Variants in SLC24A3 observed in about 807,000 individuals in gnomAD.
SLC24A3 encodes the protein sodium/potassium/calcium exchanger 3.
In SLC24A3, 28 loss-of-function variants were observed where a neutral mutation model predicts 75.8. The observed-to-expected ratio is 0.37, with a 90% CI of 0.27 to 0.51. SLC24A3 has a LOEUF of 0.51. SLC24A3 is among the 20% of genes least tolerant of loss of function. SLC24A3 has a pLI of 0.94. For synonymous variants in SLC24A3, 372 were observed against 334.1 expected, an observed-to-expected ratio of 1.11 and a Z score of -1.24; for missense variants, 663 against 847.8, an observed-to-expected ratio of 0.78 and a Z score of 2.71.
At position 19,252,011 on chromosome 20, in the gene SLC24A3, C is replaced by T. The variant is rs193115676; in HGVS notation, c.143-28948C>T. Among the ~76,000 whole-genome samples, 5 of 152,162 alleles carry T rather than the reference C, an allele frequency of 3.3e-5. No homozygotes were observed. In the East Asian group the frequency reaches 7.7e-4, roughly 24 times the overall value. On this transcript the variant is annotated intron_variant, in intron 1 of 16. Transcript: ENST00000328041. ...AACGCCACCTAATGGGATGTATAGA[C>T]CACAGATGGCCTTTCTTTGTGGCCA...
chr20:19,379,691 C>A lies in SLC24A3; in HGVS notation c.271+98604C>A, dbSNP rs367941649. Among the ~76,000 whole-genome samples the A allele has an allele frequency of 6.6e-5, 10 of 152,226 alleles. No individual in the cohort carries two copies. In the South Asian group the frequency reaches 8.3e-4, roughly 13 times the overall value. ...ATAATAGTATAAAAAATGATTAAAT[C>A]TCTATACAAGCCTCCCCTCCTCCCT... On this transcript the variant is annotated intron_variant, in intron 2 of 16. Transcript: ENST00000328041.
intron 2 of SLC24A3, among the ~76,000 whole-genome samples, chr20:19,404,876 A>C (rs1191081051): frequency 6.6e-6 from 1 of 152,134 alleles, no homozygotes; most frequent in Admixed American, 6.5e-5. Flanking sequence ...ATGGTCTTGC[A>C]TTCCTGGTTT....
intron 3 of SLC24A3, among the ~76,000 whole-genome samples, chr20:19,557,836 G>A (rs1660892744): frequency 6.6e-6 from 1 of 152,016 alleles, no homozygotes; most frequent in Admixed American, 6.6e-5. Flanking sequence ...TTTCTCAAAG[G>A]CAAGTTTCTG....
intron 7 of SLC24A3, among the ~76,000 whole-genome samples, chr20:19,657,262 G>A (rs2032276708): frequency 6.6e-6 from 1 of 152,186 alleles, no homozygotes; most frequent in South Asian, 2.1e-4. Context: ...TTAGGTCTTG[G>A]TTCTTTTTAC....
chr20:19,387,066 G>A (rs1986284550), intron 2 of SLC24A3, among the ~76,000 whole-genome samples: 1 of 152,008 alleles, frequency 6.6e-6, no homozygotes. Context: ...TCATAATTTA[G>A]TGTTGTTAGA....
At chr20:19,412,393 TGAA>T (rs1480681761) in intron 2 of SLC24A3, among the ~76,000 whole-genome samples, 8 of 150,242 alleles carry the variant, frequency 5.3e-5, no homozygotes, top group African/African-American at 2.0e-4. Context: ...AATGCCAAAT[TGAA>T]GAAGAAAAGA....
chr20:19,686,854 G>C (rs898860801), intron 12 of SLC24A3, among the ~76,000 whole-genome samples: 6 of 152,218 alleles, frequency 3.9e-5, no homozygotes, highest in Middle Eastern at 3.4e-3. Context: ...ATCATTACTT[G>C]TTAGTACATT....
intron 2 of SLC24A3, among the ~76,000 whole-genome samples, chr20:19,504,165 C>T (rs1600256687): frequency 6.6e-6 from 1 of 152,250 alleles, no homozygotes; most frequent in Non-Finnish European, 1.5e-5. Flanking sequence ...ATTTTCTATC[C>T]TTAAAATTGG....
At chr20:19,393,578 G>T (rs560114176) in intron 2 of SLC24A3, among the ~76,000 whole-genome samples, 1 of 152,096 alleles carries the variant, frequency 6.6e-6, no homozygotes, top group East Asian at 1.9e-4. Flanking sequence ...AGCTGAAAAT[G>T]AAACCAAGAA....
chr20:19,576,069 A>G (rs1421545339), intron 3 of SLC24A3, among the ~76,000 whole-genome samples: 2 of 152,078 alleles, frequency 1.3e-5, no homozygotes, highest in African/African-American at 4.8e-5. Flanking sequence ...CACCCTCTGC[A>G]TTGTCTGGGA....
At chr20:19,592,616 C>T (rs1022628369) in intron 6 of SLC24A3, among the ~76,000 whole-genome samples, 1 of 152,070 alleles carries the variant, frequency 6.6e-6, no homozygotes. Context: ...AAGCAGGAAC[C>T]TCTCGTGGCC....
chr20:19,278,710 G>A (rs78616114), intron 1 of SLC24A3, among the ~76,000 whole-genome samples: 3,415 of 152,238 alleles, frequency 0.022, 143 homozygotes, highest in African/African-American at 0.077. Context: ...GTAGAATTTT[G>A]TATTTCAAGA....
chr20:19,485,929 C>T (rs1313801736), intron 2 of SLC24A3, among the ~76,000 whole-genome samples: 5 of 152,208 alleles, frequency 3.3e-5, no homozygotes, highest in Non-Finnish European at 7.3e-5. Flanking sequence ...CTGGGGTTAG[C>T]CCAGGTGGTC....
At chr20:19,317,892 G>A (rs1984620608) in intron 2 of SLC24A3, among the ~76,000 whole-genome samples, 1 of 152,228 alleles carries the variant, frequency 6.6e-6, no homozygotes, top group Non-Finnish European at 1.5e-5. Context: ...AGACACCACT[G>A]TGCCTGCCCA....
chr20:19,517,519 G>A (rs2122560323), intron 3 of SLC24A3, among the ~76,000 whole-genome samples: 1 of 152,274 alleles, frequency 6.6e-6, no homozygotes, highest in South Asian at 2.1e-4. Context: ...GGACACAAAT[G>A]CATACTATCC....
chr20:19,381,688 T>G (rs1986184582), intron 2 of SLC24A3, among the ~76,000 whole-genome samples: 1 of 152,244 alleles, frequency 6.6e-6, no homozygotes, highest in Non-Finnish European at 1.5e-5. Context: ...TCTTTATTTC[T>G]TAAGGCTCTT....
intron 2 of SLC24A3, among the ~76,000 whole-genome samples, chr20:19,497,538 C>T (rs754771923): frequency 5.5e-5 from 8 of 144,412 alleles, no homozygotes; most frequent in Non-Finnish European, 1.0e-4. Flanking sequence ...TTGGTGCAGT[C>T]ATTTCTTTGG....
chr20:19,427,647 C>T (rs1404467644), intron 2 of SLC24A3, among the ~76,000 whole-genome samples: 1 of 152,176 alleles, frequency 6.6e-6, no homozygotes, highest in African/African-American at 2.4e-5. Flanking sequence ...ACTGCCGTGC[C>T]TCTGCCTATT....
intron 3 of SLC24A3, among the ~76,000 whole-genome samples, chr20:19,526,560 C>T (rs1003357266): frequency 4.6e-5 from 7 of 152,228 alleles, no homozygotes; most frequent in East Asian, 3.9e-4. Flanking sequence ...TATTCTCTTC[C>T]GATCAAAATT....
Sources: gnomAD v4.1 joint callset for allele counts (sites outside exome capture counted in the v4.1 genomes callset) on GRCh38, gnomAD v4.1.1 for gene constraint, MANE v1.5 for transcripts, NCBI Gene and HGNC (gene_info 2026-07-23, HGNC 2026-07-21) for gene names.